Variants in SPG11 observed in about 807,000 individuals in gnomAD.
SPG11 encodes the protein spatacsin.
SPG11 carries 222 observed loss-of-function variants against 274.0 expected under a neutral mutation model. That is an observed-to-expected ratio of 0.81 (90% CI 0.73 to 0.91). The LOEUF (loss-of-function observed/expected upper bound fraction) is 0.91, where lower values mean the gene tolerates loss of function less well. Among genes scored for constraint, SPG11 ranks in the 40% least tolerant of loss-of-function variants. The pLI is 0.00. For missense variants in SPG11, 3,114 were observed against 2,872.7 expected (o/e 1.08, Z -1.92); for synonymous variants, 1,144 against 1,039.7 (o/e 1.10, Z -1.93).
At chr15:44,620,088 A>T in intron 15 of SPG11, 102 bp downstream of exon 15, 1 of 930,902 alleles carries the variant, frequency 1.1e-6, no homozygotes, top group Non-Finnish European at 1.7e-6. Flanking sequence ...AAACAACACT[A>T]CACTGGATTT....
Position 44,647,945 on chromosome 15 carries a change from C to T in SPG11, c.1602+921G>A, listed in dbSNP as rs577772610. 1.1e-4 allele frequency among the ~76,000 whole-genome samples: 17 copies of T among 152,234 alleles called. No individual in the cohort carries two copies. In the East Asian group the frequency reaches 3.3e-3, roughly 29 times the overall value. ...TAAAGCTGTCATTTAAAGAAACTGGCACATAACATTATTAACTTCAGGGAC... is the reference window on the plus strand; with the variant it reads ...TAAAGCTGTCATTTAAAGAAACTGGTACATAACATTATTAACTTCAGGGAC... On this transcript the variant is annotated intron_variant, in intron 7 of 39. Coordinates refer to ENST00000261866, the MANE Select transcript of SPG11 (RefSeq NM_025137.4).
At chr15:44,611,030 A>T in intron 17 of SPG11, 45 bp from the exon 18 acceptor site, 1 of 1,565,498 alleles carries the variant, frequency 6.4e-7, no homozygotes, top group Middle Eastern at 1.7e-4. Flanking sequence ...AGGGATAAAT[A>T]CTAAATTAAG....
intron 32 of SPG11, among the ~76,000 whole-genome samples, chr15:44,573,077 C>T (rs2082457568): frequency 6.7e-6 from 1 of 149,532 alleles, no homozygotes; most frequent in Non-Finnish European, 1.5e-5. Flanking sequence ...ACCTCAGCCT[C>T]CCAGGTTCAA....
chr15:44,605,892 C>G, intron 20 of SPG11, 133 bp downstream of exon 20: 1 of 788,190 alleles, frequency 1.3e-6, no homozygotes, highest in East Asian at 2.7e-5. Context: ...TCTTTGCGAA[C>G]TATTTTTCCT....
intron 6 of SPG11, among the ~76,000 whole-genome samples, chr15:44,650,883 G>A (rs1567190326): frequency 6.6e-6 from 1 of 152,086 alleles, no homozygotes. Flanking sequence ...ATGTAGCTGG[G>A]ACTACAGGTG....
intron 30 of SPG11, among the ~76,000 whole-genome samples, chr15:44,579,522 G>A (rs544160621): frequency 2.6e-3 from 278 of 105,724 alleles, no homozygotes; most frequent in Non-Finnish European, 3.4e-3. Context: ...GTGAGACTCC[G>A]TCTCAAAAAA....
chr15:44,629,309 G>A lies in SPG11; in HGVS notation c.1815C>T (p.His605=). 1 of 1,614,044 alleles carries A rather than the reference G, an allele frequency of 6.2e-7. No individual in the cohort carries two copies. The highest frequency in any genetic ancestry group is 1.1e-5 in the South Asian group (1 of 91,072). The part of the protein sequence containing the change: ...RESYSEPQSK[H]FSEQLLNLTL... ...TAAGATTAAGCAATTGTTCTGAAAA[G>A]TGTTTGCTTTGGGGTTCAGAATAAC... Residue 605 remains histidine (H), a synonymous_variant, in exon 9 of 40, where the codon CAC becomes CAT. Coordinates refer to ENST00000261866, the MANE Select transcript of SPG11 (RefSeq NM_025137.4).
At chr15:44,615,773 G>A (rs1014724067) in intron 15 of SPG11, among the ~76,000 whole-genome samples, 2 of 152,040 alleles carry the variant, frequency 1.3e-5, no homozygotes, top group Non-Finnish European at 2.9e-5. Context: ...AGGTAGCAAC[G>A]ACAGACTCAA....
Position 44,610,931 on chromosome 15 carries a change from G to A in SPG11, c.3200C>T (p.Thr1067Ile). The A allele has an allele frequency of 1.2e-6, 2 of 1,613,960 alleles. No individual in the cohort carries two copies. Among genetic ancestry groups the A allele is most frequent in the Non-Finnish European group, 8.5e-7 (1 of 1,179,950 alleles). ...SLANAQILIP[T>I]NQASVSSMLL... ...CATACTGCTTACACTGGCCTGATTG[G>A]TGGGAATCAAAATCTGAGCATTTGC... Residue 1067 changes from threonine (T) to isoleucine (I), a missense_variant, in exon 18 of 40, where the codon ACC (threonine) becomes ATC (isoleucine). Transcript: ENST00000261866.
intron 39 of SPG11, among the ~76,000 whole-genome samples, chr15:44,563,586 C>A (rs1214386304): frequency 6.6e-6 from 1 of 152,022 alleles, no homozygotes; most frequent in Non-Finnish European, 1.5e-5. Context: ...TACCTGCCTG[C>A]CTTGGCCTCC....
intron 20 of SPG11, among the ~76,000 whole-genome samples, chr15:44,601,972 TA>T (rs1021762785): frequency 6.6e-6 from 1 of 152,250 alleles, no homozygotes; most frequent in African/African-American, 2.4e-5. Flanking sequence ...TTTTGTGTTC[TA>T]TTAAAAAATA....
intron 30 of SPG11, among the ~76,000 whole-genome samples, chr15:44,583,246 G>A (rs932657440): frequency 1.3e-5 from 2 of 152,180 alleles, no homozygotes; most frequent in Middle Eastern, 3.2e-3. Context: ...TTGGGAGGCC[G>A]AGGTGGACGA....
intron 20 of SPG11, among the ~76,000 whole-genome samples, chr15:44,602,580 G>A (rs1041660821): frequency 1.3e-5 from 2 of 151,604 alleles, no homozygotes; most frequent in East Asian, 3.9e-4. Flanking sequence ...CCGTATTCAC[G>A]CCATTCTCCT....
intron 34 of SPG11, among the ~76,000 whole-genome samples, chr15:44,569,720 T>G (rs2082379552): frequency 6.9e-6 from 1 of 145,940 alleles, no homozygotes; most frequent in Non-Finnish European, 1.5e-5. Flanking sequence ...TGGCTGTTCT[T>G]TTTTTTTTTT....
chr15:44,650,668 C>T (rs1288015874), intron 6 of SPG11, among the ~76,000 whole-genome samples: 4 of 151,724 alleles, frequency 2.6e-5, no homozygotes, highest in Non-Finnish European at 5.9e-5. Flanking sequence ...AATAAAATGG[C>T]CCATCTAAGA....
chr15:44,635,258 C>G (rs2084204259), intron 7 of SPG11, among the ~76,000 whole-genome samples: 1 of 151,600 alleles, frequency 6.6e-6, no homozygotes, highest in South Asian at 2.1e-4. Context: ...GCCTGAGAAG[C>G]CTAAAATATT....
At chr15:44,593,813 G>A (rs2082962855) in intron 26 of SPG11, among the ~76,000 whole-genome samples, 1 of 150,942 alleles carries the variant, frequency 6.6e-6, no homozygotes, top group Non-Finnish European at 1.5e-5. Context: ...CAGTGCAGTG[G>A]TGTGATCTTG....
In SPG11 at chr15:44,663,391, TGCCAGAAGGG is replaced by T; in HGVS notation, c.247_256del (p.Pro83ThrfsTer35). ...GGCCCAACTCTCCCTCAGCACTTAC[TGCCAGAAGGG>T]GCCCTCCAGGCAGCAGCGACCCCCG... On this transcript the variant is annotated frameshift_variant and splice_region_variant, in exon 1 of 40. Transcript: ENST00000261866. LOFTEE classifies it high-confidence loss of function. 1 of 1,607,304 alleles carries T rather than the reference TGCCAGAAGGG, an allele frequency of 6.2e-7. No individual in the cohort carries two copies. Among genetic ancestry groups the T allele is most frequent in the Non-Finnish European group, 8.5e-7 (1 of 1,177,550 alleles).
intron 14 of SPG11, 112 bp downstream of exon 14, chr15:44,621,647 T>C (rs932811312): frequency 9.0e-5 from 96 of 1,066,682 alleles, no homozygotes; most frequent in Non-Finnish European, 1.2e-4. Context: ...AGAACCTGAA[T>C]ATTATTTCCC....
Sources: gnomAD v4.1 joint callset for allele counts (sites outside exome capture counted in the v4.1 genomes callset) on GRCh38, gnomAD v4.1.1 for gene constraint, MANE v1.5 for transcripts, NCBI Gene and HGNC (gene_info 2026-07-23, HGNC 2026-07-21) for gene names.